Variants in FCHSD2 observed in about 807,000 individuals in gnomAD.
The protein encoded by FCHSD2 is FCH and double SH3 domains 2.
FCHSD2 carries 38 observed loss-of-function variants against 108.1 expected under a neutral mutation model. The observed-to-expected ratio is 0.35, with a 90% confidence interval of 0.27 to 0.46. FCHSD2 has a LOEUF of 0.46. FCHSD2 is among the 20% of genes least tolerant of loss of function. The probability of loss-of-function intolerance (pLI) is 1.00; values close to 1 mark genes in which losing one functional copy is unlikely to be tolerated. For synonymous variants in FCHSD2, 279 were observed against 314.7 expected, an observed-to-expected ratio of 0.89 and a Z score of 1.20; for missense variants, 751 against 897.8, an observed-to-expected ratio of 0.84 and a Z score of 2.09.
In FCHSD2 at chr11:73,142,270, C is replaced by A. The variant is rs1209663580; in HGVS notation, c.-393G>T. ...CGGCCGCCTGCGCCGCCGCTCCCGGCGGACGCAGCGGCCCCCACCCCACCC... is the reference window on the plus strand; with the variant it reads ...CGGCCGCCTGCGCCGCCGCTCCCGGAGGACGCAGCGGCCCCCACCCCACCC... On this transcript the variant is annotated 5_prime_UTR_variant, in exon 1 of 20. Transcript: ENST00000409418. The A allele has an allele frequency of 6.6e-6, 1 of 151,722 alleles. No homozygotes were observed. Among genetic ancestry groups the A allele is most frequent in the Non-Finnish European group, 1.5e-5 (1 of 68,226 alleles). 9.4% of individuals were successfully genotyped at this position (151,722 alleles called of 1,614,324 possible). A position where few individuals can be genotyped will look rare whatever the true frequency, so the allele number is the denominator to read the frequency against.
intron 9 of FCHSD2, among the ~76,000 whole-genome samples, chr11:72,917,524 T>C (rs1274800949): frequency 6.6e-6 from 1 of 152,172 alleles, no homozygotes; most frequent in Non-Finnish European, 1.5e-5. Context: ...GAAGTGTGAG[T>C]CCTCCAACTT....
At chr11:73,092,809 T>C (rs899388023) in intron 2 of FCHSD2, among the ~76,000 whole-genome samples, 5 of 151,958 alleles carry the variant, frequency 3.3e-5, no homozygotes, top group African/African-American at 1.2e-4. Context: ...GGCATCGGAG[T>C]ATACAGTAAA....
At chr11:73,112,388 TTTC>T (rs1266420585) in intron 2 of FCHSD2, among the ~76,000 whole-genome samples, 2 of 152,186 alleles carry the variant, frequency 1.3e-5, no homozygotes, top group Non-Finnish European at 2.9e-5. Flanking sequence ...TGTGTTTTTG[TTTC>T]TTTTCTCTTG....
At chr11:73,011,550 G>T (rs1489548556) in intron 4 of FCHSD2, among the ~76,000 whole-genome samples, 1 of 152,206 alleles carries the variant, frequency 6.6e-6, no homozygotes, top group Non-Finnish European at 1.5e-5. Flanking sequence ...TGCACAGTCT[G>T]TTGGGGGCAG....
chr11:72,941,439 G>A (rs950079627), intron 8 of FCHSD2, among the ~76,000 whole-genome samples: 1 of 117,612 alleles, frequency 8.5e-6, no homozygotes, highest in Admixed American at 8.8e-5. Context: ...AAATTATGTT[G>A]GATGTCAGTT....
At chr11:72,871,735 A>G (rs1360937920) in intron 12 of FCHSD2, among the ~76,000 whole-genome samples, 2 of 146,416 alleles carry the variant, frequency 1.4e-5, no homozygotes, top group African/African-American at 2.5e-5. Context: ...CTCCAGTGAC[A>G]AATACCTTTG....
chr11:73,076,892 C>T lies in FCHSD2; in HGVS notation c.165+6803G>A, dbSNP rs976476588. On this transcript the variant is annotated intron_variant, in intron 3 of 19. Coordinates refer to ENST00000409418, the MANE Select transcript of FCHSD2 (RefSeq NM_014824.3). ...TTGGGAGGCCAAGATGGGTGGATCACGAGGTCAGGAGATCGAGACCAACCT... is the reference window on the plus strand; with the variant it reads ...TTGGGAGGCCAAGATGGGTGGATCATGAGGTCAGGAGATCGAGACCAACCT... 2.5e-4 allele frequency among the ~76,000 whole-genome samples: 38 copies of T among 151,844 alleles called. 1 individual carries two copies. Among genetic ancestry groups the T allele is most frequent in the East Asian group, 1.9e-4 (1 of 5,174 alleles).
intron 8 of FCHSD2, among the ~76,000 whole-genome samples, chr11:72,974,626 C>T (rs1316375821): frequency 6.6e-6 from 1 of 152,124 alleles, no homozygotes; most frequent in Admixed American, 6.5e-5. Context: ...AATATGGCTA[C>T]TGGGACTGAG....
Position 73,142,167 on chromosome 11 carries a change from G to A in FCHSD2, c.-290C>T. ...AGGCGGAGACGGCGAGGGGGCGGGG[G>A]CCCCAGGAGCAGGGGCGCGAGGGTC... On this transcript the variant is annotated 5_prime_UTR_variant, in exon 1 of 20. Coordinates refer to ENST00000409418, the MANE Select transcript of FCHSD2 (RefSeq NM_014824.3). 1 of 240,478 alleles carries A rather than the reference G, an allele frequency of 4.2e-6. No homozygotes were observed. The highest frequency in any genetic ancestry group is 8.0e-5 in the East Asian group (1 of 12,520). The allele number at this position is 240,478 out of a possible 1,614,324, so 14.9% of individuals were successfully genotyped here.
At chr11:72,866,528 C>A (rs1854728442) in intron 13 of FCHSD2, among the ~76,000 whole-genome samples, 1 of 152,040 alleles carries the variant, frequency 6.6e-6, no homozygotes, top group South Asian at 2.1e-4. Context: ...CCTTGGCCTC[C>A]CAAAGTGCTG....
In FCHSD2 at chr11:72,900,228, C is replaced by T. The variant is rs1460955963; in HGVS notation, c.924+2315G>A. ...ACATGCAAACCCACACTTCCCATCC[C>T]TCCCGCCCTTGACCCACACCCCATA... On this transcript the variant is annotated intron_variant, in intron 10 of 19. Transcript: ENST00000409418. 9 of 1,210,186 alleles carry T rather than the reference C, an allele frequency of 7.4e-6. 1 individual carries two copies. Among genetic ancestry groups the T allele is most frequent in the African/African-American group, 1.5e-5 (1 of 66,436 alleles). The allele number at this position is 1,210,186 out of a possible 1,614,324, so 75.0% of individuals were successfully genotyped here.
chr11:72,895,620 C>T (rs1855401936), intron 10 of FCHSD2, among the ~76,000 whole-genome samples: 1 of 152,070 alleles, frequency 6.6e-6, no homozygotes, highest in Non-Finnish European at 1.5e-5. Flanking sequence ...GACAAGGAAC[C>T]AGATCAGGAG....
At chr11:73,121,821 A>G (rs1373729228) in intron 2 of FCHSD2, among the ~76,000 whole-genome samples, 1 of 152,214 alleles carries the variant, frequency 6.6e-6, no homozygotes, top group East Asian at 1.9e-4. Context: ...GCTGGGCTCC[A>G]CTCTCAGAGT....
At position 72,898,885 on chromosome 11, in the gene FCHSD2, A is replaced by T. The variant is rs868621107; in HGVS notation, c.924+3658T>A. ...GCAGGGACTACAGGTGTGTGCTACCATGCCCAGCTAGTTTTCTGTATTATT... is the reference window on the plus strand; with the variant it reads ...GCAGGGACTACAGGTGTGTGCTACCTTGCCCAGCTAGTTTTCTGTATTATT... On this transcript the variant is annotated intron_variant, in intron 10 of 19. Coordinates refer to ENST00000409418, the MANE Select transcript of FCHSD2 (RefSeq NM_014824.3). Among the ~76,000 whole-genome samples, 3 of 152,086 alleles carry T rather than the reference A, an allele frequency of 2.0e-5. No homozygotes were observed. In the Middle Eastern group the frequency reaches 0.01, roughly 517 times the overall value.
At chr11:72,885,036 C>G (rs1234478556) in intron 12 of FCHSD2, among the ~76,000 whole-genome samples, 1 of 152,130 alleles carries the variant, frequency 6.6e-6, no homozygotes, top group Non-Finnish European at 1.5e-5. Flanking sequence ...AAAACCACTG[C>G]AAATGATATA....
chr11:72,841,430 A>AC (rs1204451866), intron 18 of FCHSD2, 24 bp downstream of exon 18: 1 of 1,602,544 alleles, frequency 6.2e-7, no homozygotes, highest in South Asian at 1.1e-5. Context: ...ATGCATTTAG[A>AC]CCCATGCCCA....
At chr11:73,059,270 C>A (rs1285559575) in intron 3 of FCHSD2, among the ~76,000 whole-genome samples, 1 of 151,868 alleles carries the variant, frequency 6.6e-6, no homozygotes, top group Non-Finnish European at 1.5e-5. Context: ...GTTTATTTAC[C>A]CTCCGTGGGT....
At chr11:72,989,154 G>A in intron 5 of FCHSD2, 57 bp from the exon 6 acceptor site, 1 of 1,454,920 alleles carries the variant, frequency 6.9e-7, no homozygotes, top group East Asian at 2.3e-5. Flanking sequence ...TACAGAAAAT[G>A]ACTTCATCCT....
intron 2 of FCHSD2, among the ~76,000 whole-genome samples, chr11:73,124,625 G>C (rs1204230527): frequency 2.0e-5 from 3 of 152,016 alleles, no homozygotes; most frequent in Non-Finnish European, 4.4e-5. Flanking sequence ...GCATGATGGC[G>C]TGTGCCTCTA....
Sources: allele counts gnomAD v4.1 joint callset (sites outside exome capture counted in the v4.1 genomes callset), GRCh38; gene constraint gnomAD v4.1.1; transcripts MANE v1.5; gene names NCBI Gene and HGNC (gene_info 2026-07-23, HGNC 2026-07-21).